The following PHF24 variants were observed in gnomAD, a reference collection of about 807,000 sequenced individuals.
The protein encoded by PHF24 is Galpha inhibitory interacting protein.
In PHF24, 25 loss-of-function variants were observed where a neutral mutation model predicts 42.6. The ratio of observed to expected loss-of-function variants is 0.59; its 90% confidence interval spans 0.43 to 0.82. PHF24 has a LOEUF of 0.82. Ranked by LOEUF, PHF24 falls within the 40% of genes least tolerant of loss-of-function variation. PHF24 has a pLI of 0.00. For missense variants in PHF24, 470 were observed against 538.1 expected (o/e 0.87, Z 1.25); for synonymous variants, 185 against 204.8 (o/e 0.90, Z 0.83).
At chr9:34,816,357 A>G in the PHF24 span, among the ~76,000 whole-genome samples, 1 of 152,238 alleles carries the variant, frequency 6.6e-6, no homozygotes, top group Admixed American at 6.5e-5. Context: ...ATTTACTGCT[A>G]TAAGCAGTGC....
the PHF24 span, among the ~76,000 whole-genome samples, chr9:34,941,472 A>G: frequency 6.6e-6 from 1 of 152,204 alleles, no homozygotes; most frequent in Admixed American, 6.5e-5. Flanking sequence ...CTAAGGCATG[A>G]ATGGTAGCAA....
chr9:34,950,136 G>A, the PHF24 span, among the ~76,000 whole-genome samples: 1 of 151,768 alleles, frequency 6.6e-6, no homozygotes. Flanking sequence ...ATCACTTGAG[G>A]TCAGGAGTTC....
At chr9:34,674,306 G>A in the PHF24 span, among the ~76,000 whole-genome samples, 2 of 152,104 alleles carry the variant, frequency 1.3e-5, no homozygotes, top group African/African-American at 4.8e-5. Context: ...CTATCCATCC[G>A]TCCATCCCAT....
the PHF24 span, among the ~76,000 whole-genome samples, chr9:34,719,480 C>T: frequency 6.6e-6 from 1 of 152,214 alleles, no homozygotes; most frequent in East Asian, 1.9e-4. Flanking sequence ...CAGCATCCTG[C>T]ATGAATCATA....
At chr9:34,724,713 GA>G in the PHF24 span, 8 of 1,551,032 alleles carry the variant, frequency 5.2e-6, no homozygotes, top group Non-Finnish European at 8.7e-7. Flanking sequence ...TTGTTGCCTT[GA>G]GGGCATGGCC....
the PHF24 span, among the ~76,000 whole-genome samples, chr9:34,821,022 C>T: frequency 6.6e-6 from 1 of 152,016 alleles, no homozygotes; most frequent in East Asian, 1.9e-4. Context: ...GTTGGACACT[C>T]GTATGTCTTC....
At chr9:34,670,548 G>A in the PHF24 span, among the ~76,000 whole-genome samples, 2 of 152,320 alleles carry the variant, frequency 1.3e-5, no homozygotes, top group African/African-American at 4.8e-5. Flanking sequence ...CTCCGCAGTA[G>A]ACTGCACCTG....
At chr9:34,803,848 A>G in the PHF24 span, among the ~76,000 whole-genome samples, 2 of 152,230 alleles carry the variant, frequency 1.3e-5, no homozygotes, top group Non-Finnish European at 2.9e-5. Context: ...AATATGCAGC[A>G]TTAGTATGCG....
the PHF24 span, among the ~76,000 whole-genome samples, chr9:34,918,791 A>G: frequency 6.6e-6 from 1 of 152,182 alleles, no homozygotes; most frequent in South Asian, 2.1e-4. Context: ...TCACTAAACA[A>G]TTGTAGTTTT....
chr9:34,834,807 C>T, the PHF24 span: 4 of 1,542,430 alleles, frequency 2.6e-6, no homozygotes, highest in South Asian at 2.4e-5. Context: ...GATGGAGACA[C>T]CCAATTTGGC....
At chr9:34,956,271 T>C (rs2132831376), upstream of PHF24, among the ~76,000 whole-genome samples, 1 of 152,320 alleles carries the variant, frequency 6.6e-6, no homozygotes. Flanking sequence ...TACTTTTGTG[T>C]GTGTGTGTGA....
chr9:34,833,349 G>A, the PHF24 span: 1 of 1,550,872 alleles, frequency 6.4e-7, no homozygotes, highest in Admixed American at 2.0e-5. Context: ...GAACCCTGGG[G>A]TACTGCTTTG....
the PHF24 span, chr9:34,895,827 C>A: frequency 2.5e-6 from 1 of 397,552 alleles, no homozygotes; most frequent in South Asian, 1.4e-4. Context: ...GAAGAGGGAT[C>A]CAAATCACCA....
the PHF24 span, chr9:34,922,597 A>G: frequency 1.1e-6 from 1 of 951,582 alleles, no homozygotes; most frequent in Non-Finnish European, 1.7e-6. Context: ...CTTGTGAAGC[A>G]CTGGGGATCA....
At chr9:34,908,789 T>G in the PHF24 span, among the ~76,000 whole-genome samples, 1 of 152,106 alleles carries the variant, frequency 6.6e-6, no homozygotes, top group African/African-American at 2.4e-5. Flanking sequence ...TAAGGACTTC[T>G]TTCTCAATCT....
the PHF24 span, among the ~76,000 whole-genome samples, chr9:34,731,106 C>T: frequency 1.3e-5 from 2 of 152,032 alleles, no homozygotes; most frequent in South Asian, 2.1e-4. Flanking sequence ...TTTTCTTCCT[C>T]GTGTATCTCT....
chr9:34,682,437 C>CG, the PHF24 span, among the ~76,000 whole-genome samples: 75 of 151,894 alleles, frequency 4.9e-4, no homozygotes, highest in Middle Eastern at 6.8e-3. Flanking sequence ...GTCTGTCTTT[C>CG]GGGGGGGTGA....
chr9:34,706,486 A>C, the PHF24 span, among the ~76,000 whole-genome samples: 1 of 152,212 alleles, frequency 6.6e-6, no homozygotes, highest in Admixed American at 6.5e-5. Context: ...ATATTTTTTA[A>C]CTGTGAGTGT....
the PHF24 span, among the ~76,000 whole-genome samples, chr9:34,753,381 G>T: frequency 6.6e-6 from 1 of 151,968 alleles, no homozygotes; most frequent in Non-Finnish European, 1.5e-5. Flanking sequence ...AATCAAGAAA[G>T]TAATCCCGCT....
Sources: allele counts gnomAD v4.1 joint callset (sites outside exome capture counted in the v4.1 genomes callset), GRCh38; gene constraint gnomAD v4.1.1; transcripts MANE v1.5; gene names NCBI Gene and HGNC (gene_info 2026-07-23, HGNC 2026-07-21).